Variants in SEC14L6 observed in about 807,000 individuals in gnomAD.
SEC14L6 encodes SEC14-like protein 6.
A neutral mutation model predicts 54.1 loss-of-function variants in SEC14L6; 40 were observed. The ratio of observed to expected loss-of-function variants is 0.74; its 90% CI spans 0.57 to 0.96. The LOEUF (loss-of-function observed/expected upper bound fraction) is 0.96. Among genes scored for constraint, SEC14L6 ranks in the 40% least tolerant of loss-of-function variants. SEC14L6 has a pLI of 0.00. For synonymous variants in SEC14L6, 171 were observed against 198.4 expected (o/e 0.86, Z 1.16); for missense variants, 471 against 498.3 (o/e 0.95, Z 0.52).
chr22:30,543,736 G>A, intron 1 of SEC14L6: 1 of 1,587,652 alleles, frequency 6.3e-7, no homozygotes, highest in South Asian at 1.1e-5. Flanking sequence ...ACTGATGGAG[G>A]CTCTCTACCT....
chr22:30,542,728 C>T, intron 1 of SEC14L6: 1 of 1,571,108 alleles, frequency 6.4e-7, no homozygotes, highest in Non-Finnish European at 8.7e-7. Context: ...GTCGGCCGCT[C>T]TGCAGTGCAC....
chr22:30,523,485 G>A lies in SEC14L6; in HGVS notation c.*1512C>T, dbSNP rs1936671081. On this transcript the variant is annotated 3_prime_UTR_variant, in exon 12 of 12. Transcript: ENST00000402034. ...TTCTCCCACCTCAGCCTCCCAAGTAGCTGGGACTGCAGGCACTCGCCGCCA... is the reference window on the plus strand; with the variant it reads ...TTCTCCCACCTCAGCCTCCCAAGTAACTGGGACTGCAGGCACTCGCCGCCA... 1 of 152,184 alleles carries A rather than the reference G, an allele frequency of 6.6e-6. No homozygotes were observed. Among genetic ancestry groups the A allele is most frequent in the Admixed American group, 6.5e-5 (1 of 15,272 alleles). 9.4% of individuals were successfully genotyped at this position (152,184 alleles called of 1,614,324 possible).
Position 30,532,017 on chromosome 22 carries a change from G to A in SEC14L6, c.424-19C>T. 2 of 1,548,748 alleles carry A rather than the reference G, an allele frequency of 1.3e-6. No individual in the cohort carries two copies. The highest frequency in any genetic ancestry group is 1.7e-6 in the Non-Finnish European group (2 of 1,145,650). ...TCCCCAGCTGCAAGGGAATGACAGG[G>A]GGTGAGACCCTGTGAGGGCCACTGC... On this transcript the variant is annotated intron_variant, in intron 5 of 11. Coordinates refer to ENST00000402034, the MANE Select transcript of SEC14L6 (RefSeq NM_001193336.4).
intron 1 of SEC14L6, chr22:30,542,388 T>G: frequency 1.0e-5 from 4 of 397,386 alleles, no homozygotes; most frequent in South Asian, 7.6e-5. Context: ...GCGGCCGGAG[T>G]CCGGAGGCGA....
At chr22:30,535,677 A>G (rs1462194003) in intron 2 of SEC14L6, among the ~76,000 whole-genome samples, 1 of 152,164 alleles carries the variant, frequency 6.6e-6, no homozygotes, top group Non-Finnish European at 1.5e-5. Flanking sequence ...AAGATGAGCT[A>G]GGAAACCCTG....
intron 1 of SEC14L6, chr22:30,543,718 G>A: frequency 1.2e-6 from 2 of 1,603,168 alleles, no homozygotes; most frequent in Admixed American, 1.7e-5. Context: ...CACCTTGCTG[G>A]TGGCCCTACT....
chr22:30,531,914 G>A lies in SEC14L6; in HGVS notation c.508C>T (p.Leu170Phe). The A allele has an allele frequency of 1.9e-6, 3 of 1,550,582 alleles. No individual in the cohort carries two copies. Among genetic ancestry groups the A allele is most frequent in the Non-Finnish European group, 8.7e-7 (1 of 1,146,860 alleles). ...CGGGGTCACCTCACCTCCTGGAGAA[G>A]CTCTATTCCTGGCTTCCACAGATCC... ...LRDLWKPGIELLQEFFSALEA... is the reference protein window; with the variant it reads ...LRDLWKPGIEFLQEFFSALEA... The change falls in exon 6 of 12, where the codon CTT becomes TTT. Residue 170 changes from leucine (L) to phenylalanine (F), a missense_variant. Transcript: ENST00000402034.
At chr22:30,526,388 C>T (rs919558708) in intron 8 of SEC14L6, among the ~76,000 whole-genome samples, 7 of 152,312 alleles carry the variant, frequency 4.6e-5, no homozygotes, top group Admixed American at 1.3e-4. Context: ...GGGCCAAGCT[C>T]GGGTCAGTTC....
intron 8 of SEC14L6, among the ~76,000 whole-genome samples, chr22:30,526,237 C>G (rs1414263096): frequency 1.2e-4 from 19 of 152,238 alleles, no homozygotes; most frequent in Non-Finnish European, 2.9e-5. Context: ...TTCATAGGAA[C>G]TCGGACCAGC....
chr22:30,523,521 C>G lies in SEC14L6; in HGVS notation c.*1476G>C, dbSNP rs1936672627. 1 of 152,164 alleles carries G rather than the reference C, an allele frequency of 6.6e-6. No homozygotes were observed. The highest frequency in any genetic ancestry group is 2.4e-5 in the African/African-American group (1 of 41,416). The allele number at this position is 152,164 out of a possible 1,614,324, so 9.4% of individuals were successfully genotyped here. A position where few individuals can be genotyped will look rare whatever the true frequency, so the allele number is the denominator to read the frequency against. On this transcript the variant is annotated 3_prime_UTR_variant, in exon 12 of 12. Coordinates refer to ENST00000402034, the MANE Select transcript of SEC14L6 (RefSeq NM_001193336.4). ...AGGCACTCGCCGCCACCACACCCAACTAATTTGTGTATGTTTCGTAGAGAC... is the reference window on the plus strand; with the variant it reads ...AGGCACTCGCCGCCACCACACCCAAGTAATTTGTGTATGTTTCGTAGAGAC...
At chr22:30,528,880 C>T (rs555881765) in intron 8 of SEC14L6, among the ~76,000 whole-genome samples, 2 of 152,220 alleles carry the variant, frequency 1.3e-5, no homozygotes, top group African/African-American at 4.8e-5. Flanking sequence ...ACCCATGCTA[C>T]CTCCAGGAAT....
intron 6 of SEC14L6, 88 bp from the exon 7 acceptor site, chr22:30,529,437 C>G: frequency 9.4e-7 from 1 of 1,067,692 alleles, no homozygotes; most frequent in Admixed American, 2.0e-5. Context: ...CCCAAGGGCA[C>G]AGCCTTGGCC....
At chr22:30,529,246 CCT>C (rs1936887080) in intron 7 of SEC14L6, 41 bp downstream of exon 7, 1 of 1,546,726 alleles carries the variant, frequency 6.5e-7, no homozygotes, top group South Asian at 1.2e-5. Flanking sequence ...CCGCACATCC[CCT>C]GTCCCCCCAA....
intron 6 of SEC14L6, 144 bp from the exon 7 acceptor site, chr22:30,529,493 C>T (rs1936898263): frequency 1.5e-6 from 1 of 666,274 alleles, no homozygotes; most frequent in Non-Finnish European, 2.6e-6. Flanking sequence ...GCTCCCGATG[C>T]CCAGACACCA....
At chr22:30,530,215 G>A (rs1936924494) in intron 6 of SEC14L6, among the ~76,000 whole-genome samples, 1 of 152,054 alleles carries the variant, frequency 6.6e-6, no homozygotes, top group Admixed American at 6.6e-5. Context: ...TTCGAGACCA[G>A]GCAGGGCAAC....
At chr22:30,535,895 T>A (rs1937126492) in intron 2 of SEC14L6, among the ~76,000 whole-genome samples, 2 of 149,666 alleles carry the variant, frequency 1.3e-5, no homozygotes, top group Admixed American at 6.6e-5. Context: ...GTGTTTTTTT[T>A]TTTTTTTTTT....
Position 30,524,218 on chromosome 22 carries a change from T to C in SEC14L6, c.*779A>G, listed in dbSNP as rs918178622. Reference sequence around the variant, plus strand: ...CCAGAGTTTTTCTGTCTCATGTGCGTCATGTTCGGCCCTGATGCCTCCCTG... The same window carrying C: ...CCAGAGTTTTTCTGTCTCATGTGCGCCATGTTCGGCCCTGATGCCTCCCTG... On this transcript the variant is annotated 3_prime_UTR_variant, in exon 12 of 12. Transcript: ENST00000402034. The C allele has an allele frequency of 7.2e-5, 11 of 152,220 alleles. No homozygotes were observed. The highest frequency in any genetic ancestry group is 1.5e-4 in the Non-Finnish European group (10 of 68,048). The allele number at this position is 152,220 out of a possible 1,614,324, so 9.4% of individuals were successfully genotyped here. A position where few individuals can be genotyped will look rare whatever the true frequency, so the allele number is the denominator to read the frequency against.
intron 2 of SEC14L6, among the ~76,000 whole-genome samples, chr22:30,534,853 C>G (rs185203302): frequency 1.3e-4 from 20 of 151,922 alleles, no homozygotes; most frequent in Non-Finnish European, 2.8e-4. Flanking sequence ...AGTGAAATCT[C>G]GTCTGTACTA....
chr22:30,530,166 C>G (rs1457051693), intron 6 of SEC14L6, among the ~76,000 whole-genome samples: 1 of 151,928 alleles, frequency 6.6e-6, no homozygotes. Flanking sequence ...TCCCAAAGCA[C>G]TTTGGGAGGC....
Sources: allele counts gnomAD v4.1 joint callset (sites outside exome capture counted in the v4.1 genomes callset), GRCh38; gene constraint gnomAD v4.1.1; transcripts MANE v1.5; gene names NCBI Gene and HGNC (gene_info 2026-07-23, HGNC 2026-07-21).